Variants in USP53 observed in about 807,000 individuals in gnomAD.
The protein encoded by USP53 is ubiquitin carboxyl-terminal hydrolase 53.
Under a neutral mutation model 94.9 loss-of-function variants are expected in USP53, and 71 were observed. That is an observed-to-expected ratio of 0.75 (90% confidence interval 0.62 to 0.91). The LOEUF (loss-of-function observed/expected upper bound fraction) is 0.91. Ranked by LOEUF, USP53 falls within the 40% of genes least tolerant of loss-of-function variation. The pLI is 0.00. For synonymous variants in USP53, 375 were observed against 422.7 expected, an observed-to-expected ratio of 0.89 and a Z score of 1.39; for missense variants, 1,173 against 1,281.0, an observed-to-expected ratio of 0.92 and a Z score of 1.29.
At position 119,293,914 on chromosome 4, in the gene USP53, GAATTT is replaced by G. The variant is rs1755037703; in HGVS notation, c.*709_*713del. ...ATTTGTAAGTTTTCAAGATCGGATG[GAATTT>G]AATTTTGCTCCTAGAATTTTTGTCT... On this transcript the variant is annotated 3_prime_UTR_variant, in exon 19 of 19. Coordinates refer to ENST00000692078, the MANE Select transcript of USP53 (RefSeq NM_001371395.1). 1 of 152,034 alleles carries G rather than the reference GAATTT, an allele frequency of 6.6e-6. No individual in the cohort carries two copies. Among genetic ancestry groups the G allele is most frequent in the South Asian group, 2.1e-4 (1 of 4,828 alleles). The allele number at this position is 152,034 out of a possible 1,614,324, so 9.4% of individuals were successfully genotyped here. A position where few individuals can be genotyped will look rare whatever the true frequency, so the allele number is the denominator to read the frequency against.
At chr4:119,250,957 C>A (rs1748909543) in intron 7 of USP53, among the ~76,000 whole-genome samples, 1 of 151,580 alleles carries the variant, frequency 6.6e-6, no homozygotes. Flanking sequence ...GCAGAACTTG[C>A]AGTTTTGTTA....
intron 3 of USP53, chr4:119,218,447 A>T (rs553890396): frequency 6.6e-6 from 1 of 152,382 alleles, no homozygotes; most frequent in African/African-American, 2.4e-5. Flanking sequence ...GGTAAAAGCA[A>T]CATGAAATAT....
chr4:119,267,772 A>G (rs1286079929), intron 13 of USP53, among the ~76,000 whole-genome samples: 1 of 152,232 alleles, frequency 6.6e-6, no homozygotes, highest in African/African-American at 2.4e-5. Flanking sequence ...TAAACTGGAA[A>G]AGTCCGAAAC....
At chr4:119,220,586 C>T (rs1561181491) in intron 3 of USP53, 1 of 152,108 alleles carries the variant, frequency 6.6e-6, no homozygotes, top group Non-Finnish European at 1.5e-5. Context: ...TCAAAGTAAA[C>T]AGTTAGGAGA....
intron 3 of USP53, among the ~76,000 whole-genome samples, chr4:119,223,942 C>T (rs1199085152): frequency 6.6e-6 from 1 of 152,034 alleles, no homozygotes; most frequent in Non-Finnish European, 1.5e-5. Context: ...AGTCTAAGTA[C>T]CTATATCTAC....
At position 119,271,956 on chromosome 4, in the gene USP53, C is replaced by G. The variant is rs370246170; in HGVS notation, c.2096C>G (p.Thr699Ser). ...ESSDHISNGS[T>S]NLDSPVIDGN... ...AGTGATCACATCAGTAATGGTTCTA[C>G]TAATTTGGACTCACCTGTTATCGAT... Residue 699 changes from threonine to serine, a missense_variant, in exon 16 of 19, where the codon ACT (threonine) becomes AGT (serine). By Grantham distance (58) the Thr-to-Ser change is moderately conservative. Coordinates refer to ENST00000692078, the MANE Select transcript of USP53 (RefSeq NM_001371395.1). The G allele has an allele frequency of 6.8e-6, 11 of 1,613,686 alleles. No individual in the cohort carries two copies. Among genetic ancestry groups the G allele is most frequent in the Non-Finnish European group, 8.5e-6 (10 of 1,179,926 alleles).
chr4:119,262,432 G>C (rs945765182), intron 12 of USP53, among the ~76,000 whole-genome samples: 1 of 152,062 alleles, frequency 6.6e-6, no homozygotes, highest in Non-Finnish European at 1.5e-5. Flanking sequence ...GCCTACTATT[G>C]ACAGGCAGCC....
chr4:119,250,406 A>G (rs939267236), intron 7 of USP53, among the ~76,000 whole-genome samples: 1 of 152,218 alleles, frequency 6.6e-6, no homozygotes, highest in Admixed American at 6.5e-5. Flanking sequence ...GAGCATCTTC[A>G]TGGTTTCCTT....
At chr4:119,260,017 A>G in intron 10 of USP53, 92 bp downstream of exon 10, 1 of 849,206 alleles carries the variant, frequency 1.2e-6, no homozygotes, top group Non-Finnish European at 1.7e-6. Context: ...TTGATTCTAT[A>G]TCTAGAATTA....
At chr4:119,259,322 A>T (rs1750186148) in intron 9 of USP53, among the ~76,000 whole-genome samples, 1 of 151,870 alleles carries the variant, frequency 6.6e-6, no homozygotes, top group Non-Finnish European at 1.5e-5. Context: ...TCAAAATAAG[A>T]ACAAAAGGAG....
intron 14 of USP53, 98 bp from the exon 15 acceptor site, chr4:119,269,593 T>C: frequency 2.4e-6 from 2 of 837,782 alleles, no homozygotes; most frequent in Non-Finnish European, 3.3e-6. Flanking sequence ...TATGCTCTTT[T>C]TAAATATATC....
intron 15 of USP53, 116 bp downstream of exon 15, chr4:119,269,953 A>C (rs947415591): frequency 1.0e-5 from 4 of 398,136 alleles, no homozygotes; most frequent in African/African-American, 8.8e-5. Context: ...TTAAAAATAC[A>C]TAAATATATA....
At chr4:119,222,452 C>G (rs1019265586) in intron 3 of USP53, among the ~76,000 whole-genome samples, 2 of 151,040 alleles carry the variant, frequency 1.3e-5, no homozygotes, top group South Asian at 2.1e-4. Context: ...CCCTTCTCTC[C>G]ACTTCCTTTC....
intron 10 of USP53, 72 bp from the exon 11 acceptor site, chr4:119,260,435 A>G: frequency 7.3e-7 from 1 of 1,367,934 alleles, no homozygotes; most frequent in Non-Finnish European, 9.9e-7. Flanking sequence ...TTGTCATTAT[A>G]TAATGCAAAC....
Position 119,294,798 on chromosome 4 carries a change from T to A in USP53, c.*1587T>A, listed in dbSNP as rs1755106505. 1 of 152,154 alleles carries A rather than the reference T, an allele frequency of 6.6e-6. No homozygotes were observed. 9.4% of individuals were successfully genotyped at this position (152,154 alleles called of 1,614,324 possible). A position where few individuals can be genotyped will look rare whatever the true frequency, so the allele number is the denominator to read the frequency against. ...TGCCTATAGTTTTTACTAGCCTTTT[T>A]AAACTATAATAGTGAGTGATCATTA... On this transcript the variant is annotated 3_prime_UTR_variant, in exon 19 of 19. Coordinates refer to ENST00000692078, the MANE Select transcript of USP53 (RefSeq NM_001371395.1).
rs1314568993 is a variant in USP53, at chr4:119,268,567, C to G, written c.1288+147C>G. Reference sequence around the variant, plus strand: ...AATTCGTCTTTTGATTTATGCATTTCTCTGAGAGCTGTAGTTTTACCTGAC... The same window carrying G: ...AATTCGTCTTTTGATTTATGCATTTGTCTGAGAGCTGTAGTTTTACCTGAC... On this transcript the variant is annotated intron_variant, in intron 14 of 18. Coordinates refer to ENST00000692078, the MANE Select transcript of USP53 (RefSeq NM_001371395.1). 6.2e-6 allele frequency: 5 copies of G among 804,928 alleles called. No individual in the cohort carries two copies. The Admixed American group carries it at 1.3e-4, about 21-fold the overall frequency. The allele number at this position is 804,928 out of a possible 1,614,324, so 49.9% of individuals were successfully genotyped here.
chr4:119,250,521 C>T (rs962994241), intron 7 of USP53, among the ~76,000 whole-genome samples: 1 of 152,156 alleles, frequency 6.6e-6, no homozygotes, highest in Non-Finnish European at 1.5e-5. Flanking sequence ...CATATTTCTT[C>T]TGTTTATAAT....
chr4:119,287,991 T>C (rs1754311678), intron 17 of USP53, among the ~76,000 whole-genome samples: 1 of 152,222 alleles, frequency 6.6e-6, no homozygotes, highest in African/African-American at 2.4e-5. Flanking sequence ...CAGTTGTGAC[T>C]GATGTTTTAA....
intron 3 of USP53, among the ~76,000 whole-genome samples, chr4:119,230,128 T>C (rs6829355): frequency 0.017 from 2,626 of 152,312 alleles, 77 homozygotes; most frequent in African/African-American, 0.06. Flanking sequence ...ACATGTTTTG[T>C]TCTTTTTTTC....
Sources: gnomAD v4.1 joint callset for allele counts (sites outside exome capture counted in the v4.1 genomes callset) on GRCh38, gnomAD v4.1.1 for gene constraint, MANE v1.5 for transcripts, NCBI Gene and HGNC (gene_info 2026-07-23, HGNC 2026-07-21) for gene names.